Variants in DOCK9 observed in about 807,000 individuals in gnomAD.
DOCK9 encodes the protein dedicator of cytokinesis protein 9.
DOCK9 carries 89 observed loss-of-function variants against 263.3 expected under a neutral mutation model. That is an observed-to-expected ratio of 0.34 (90% CI 0.28 to 0.40). The LOEUF (loss-of-function observed/expected upper bound fraction) is 0.40, where lower values mean the gene tolerates loss of function less well. Among genes scored for constraint, DOCK9 ranks in the 10% least tolerant of loss-of-function variants. The pLI is 1.00. For synonymous variants in DOCK9, 976 were observed against 973.1 expected (o/e 1.00, Z -0.06); for missense variants, 2,140 against 2,603.4 (o/e 0.82, Z 3.87).
intron 15 of DOCK9, among the ~76,000 whole-genome samples, chr13:98,889,255 G>T (rs2046266901): frequency 1.3e-5 from 2 of 152,106 alleles, no homozygotes; most frequent in African/African-American, 4.8e-5. Context: ...GGGTGGGAGT[G>T]GGGTGAGGGA....
chr13:99,006,340 G>A lies in DOCK9; in HGVS notation c.130-50789C>T, dbSNP rs60129158. On this transcript the variant is annotated intron_variant, in intron 1 of 32. Coordinates refer to the DOCK9 transcript ENST00000427887. ...TAGGCCTTTAAAAAATTCATTCTTCGCAAGTTCACTTTTATAAATCTAGCC... is the reference window on the plus strand; with the variant it reads ...TAGGCCTTTAAAAAATTCATTCTTCACAAGTTCACTTTTATAAATCTAGCC... Among the ~76,000 whole-genome samples the A allele has an allele frequency of 4.1e-3, 624 of 152,134 alleles. 1 individual carries two copies. The highest frequency in any genetic ancestry group is 0.014 in the African/African-American group (573 of 41,500).
intron 35 of DOCK9, among the ~76,000 whole-genome samples, chr13:98,851,663 A>G (rs2093575769): frequency 6.6e-6 from 1 of 152,226 alleles, no homozygotes; most frequent in South Asian, 2.1e-4. Context: ...TAAATGTGGA[A>G]TAAATGAAAG....
At chr13:98,881,468 C>T in intron 25 of DOCK9, 90 bp downstream of exon 25, 5 of 1,066,016 alleles carry the variant, frequency 4.7e-6, no homozygotes, top group Non-Finnish European at 6.9e-6. Flanking sequence ...AGCACATCCT[C>T]AAATAACCAG....
intron 27 of DOCK9, among the ~76,000 whole-genome samples, chr13:98,871,309 T>G (rs2094179631): frequency 6.6e-6 from 1 of 152,212 alleles, no homozygotes; most frequent in African/African-American, 2.4e-5. Flanking sequence ...ACTTCTGCAC[T>G]TATTAGAAAA....
intron 1 of DOCK9, among the ~76,000 whole-genome samples, chr13:99,043,108 G>A (rs1349404601): frequency 6.6e-6 from 1 of 151,980 alleles, no homozygotes; most frequent in African/African-American, 2.4e-5. Context: ...AGCCCGTGAG[G>A]GACATCCCCT....
At chr13:99,085,400 C>A (rs897153812) in intron 1 of DOCK9, among the ~76,000 whole-genome samples, 1 of 152,258 alleles carries the variant, frequency 6.6e-6, no homozygotes, top group Admixed American at 6.5e-5. Flanking sequence ...GCTCCACTCC[C>A]GCACCATCCA....
At chr13:99,031,850 G>A (rs746940747) in intron 1 of DOCK9, among the ~76,000 whole-genome samples, 41 of 152,082 alleles carry the variant, frequency 2.7e-4, no homozygotes, top group Non-Finnish European at 5.0e-4. Flanking sequence ...TAAATTCAAG[G>A]GCTGATGTCA....
chr13:98,934,448 G>C (rs931023509), intron 2 of DOCK9, among the ~76,000 whole-genome samples: 4 of 152,158 alleles, frequency 2.6e-5, no homozygotes, highest in Non-Finnish European at 2.9e-5. Context: ...TAAAACAGAA[G>C]AACCACCCAG....
intron 28 of DOCK9, 25 bp from the exon 29 acceptor site, chr13:98,868,036 G>A (rs1005792853): frequency 5.6e-6 from 9 of 1,604,944 alleles, no homozygotes; most frequent in Non-Finnish European, 7.7e-6. Context: ...AAGCAAAAAA[G>A]TTATTTCAGG....
intron 1 of DOCK9, among the ~76,000 whole-genome samples, chr13:99,071,391 C>G (rs926750965): frequency 6.7e-6 from 1 of 148,894 alleles, no homozygotes; most frequent in African/African-American, 2.5e-5. Flanking sequence ...CTACCTTGGC[C>G]TTCCAAAGTG....
chr13:98,979,229 T>TAGTAGCAGC (rs1555439294), upstream of DOCK9, among the ~76,000 whole-genome samples: 6 of 125,078 alleles, frequency 4.8e-5, no homozygotes, highest in African/African-American at 2.0e-4. Context: ...GTAGTAGTAG[T>TAGTAGCAGC]AGCAGCAGCG....
intron 21 of DOCK9, 92 bp from the exon 22 acceptor site, chr13:98,883,991 A>G (rs2045280001): frequency 2.3e-6 from 2 of 864,688 alleles, no homozygotes; most frequent in East Asian, 5.4e-5. Flanking sequence ...AGGGACTGAA[A>G]GAGGGCCCAG....
chr13:98,929,091 A>G (rs2053507817), intron 3 of DOCK9, among the ~76,000 whole-genome samples: 2 of 152,292 alleles, frequency 1.3e-5, no homozygotes, highest in South Asian at 4.1e-4. Flanking sequence ...ATCAACTAGA[A>G]AAACCAGGAT....
At chr13:99,069,806 G>GA (rs1370598210) in intron 1 of DOCK9, among the ~76,000 whole-genome samples, 1 of 152,192 alleles carries the variant, frequency 6.6e-6, no homozygotes, top group African/African-American at 2.4e-5. Flanking sequence ...AAGTTTTCAA[G>GA]AAACTCCAAC....
At chr13:98,937,374 G>T (rs1409545508) in intron 2 of DOCK9, among the ~76,000 whole-genome samples, 2 of 151,478 alleles carry the variant, frequency 1.3e-5, no homozygotes, top group African/African-American at 4.9e-5. Context: ...AGAAAGAAAA[G>T]GAAAAGAAAA....
At chr13:98,930,521 G>A (rs569030393) in intron 2 of DOCK9, among the ~76,000 whole-genome samples, 1 of 152,298 alleles carries the variant, frequency 6.6e-6, no homozygotes, top group South Asian at 2.1e-4. Flanking sequence ...TTCCCGCAGG[G>A]TAGAGGCCCC....
At chr13:98,835,561 G>A (rs1259096186) in intron 39 of DOCK9, among the ~76,000 whole-genome samples, 1 of 152,114 alleles carries the variant, frequency 6.6e-6, no homozygotes, top group African/African-American at 2.4e-5. Flanking sequence ...TCTTCCTTGG[G>A]TGTCTCAGGG....
chr13:98,868,645 C>T (rs1178285195), intron 27 of DOCK9, among the ~76,000 whole-genome samples: 6 of 152,134 alleles, frequency 3.9e-5, no homozygotes, highest in Non-Finnish European at 5.9e-5. Context: ...GTCCCAGTTA[C>T]TCAGGAGGCT....
intron 27 of DOCK9, among the ~76,000 whole-genome samples, chr13:98,878,043 G>A (rs2044147902): frequency 6.6e-6 from 1 of 152,122 alleles, no homozygotes; most frequent in African/African-American, 2.4e-5. Flanking sequence ...AGCTGATGAA[G>A]GTAATGTGAA....
Sources: gnomAD v4.1 joint callset for allele counts (sites outside exome capture counted in the v4.1 genomes callset) on GRCh38, gnomAD v4.1.1 for gene constraint, MANE v1.5 for transcripts, NCBI Gene and HGNC (gene_info 2026-07-23, HGNC 2026-07-21) for gene names.